The following LHFPL3 variants were observed in gnomAD, a reference collection of about 807,000 sequenced individuals.
The protein encoded by LHFPL3 is LHFPL tetraspan subfamily member 3 protein.
A neutral mutation model predicts 19.3 loss-of-function variants in LHFPL3; 5 were observed. The observed-to-expected ratio is 0.26, with a 90% confidence interval of 0.14 to 0.54. The LOEUF is 0.54. Ranked by LOEUF, LHFPL3 falls within the 20% of genes least tolerant of loss-of-function variation. The pLI, the probability that LHFPL3 is intolerant of heterozygous loss-of-function variation, is 0.94. For synonymous variants in LHFPL3, 133 were observed against 126.2 expected (o/e 1.05, Z -0.36); for missense variants, 249 against 307.4 (o/e 0.81, Z 1.42).
intron 1 of LHFPL3, among the ~76,000 whole-genome samples, chr7:104,553,862 G>A (rs1441360816): frequency 2.0e-5 from 3 of 152,284 alleles, no homozygotes; most frequent in Admixed American, 6.5e-5. Context: ...AATAACTAGT[G>A]TCTGGCTAGA....
chr7:104,498,117 C>T (rs1185249922), intron 1 of LHFPL3, among the ~76,000 whole-genome samples: 3 of 152,182 alleles, frequency 2.0e-5, no homozygotes, highest in African/African-American at 7.2e-5. Context: ...TAAACTCTTA[C>T]ATAAGTACAA....
chr7:104,543,393 A>G (rs1453370469), intron 1 of LHFPL3, among the ~76,000 whole-genome samples: 1 of 151,952 alleles, frequency 6.6e-6, no homozygotes, highest in East Asian at 1.9e-4. Flanking sequence ...ATACCATTTG[A>G]CCCAGCCATC....
chr7:104,496,176 G>A (rs539981195), intron 1 of LHFPL3, among the ~76,000 whole-genome samples: 42 of 152,068 alleles, frequency 2.8e-4, no homozygotes, highest in African/African-American at 8.0e-4. Context: ...GTGTCCATGC[G>A]TTCTCGTTGT....
intron 1 of LHFPL3, among the ~76,000 whole-genome samples, chr7:104,494,021 A>C (rs898792266): frequency 1.3e-5 from 2 of 152,208 alleles, no homozygotes; most frequent in Non-Finnish European, 2.9e-5. Context: ...TAATATATTA[A>C]AATTAATTTC....
intron 1 of LHFPL3, chr7:104,470,053 G>A: frequency 2.2e-6 from 1 of 456,000 alleles, no homozygotes; most frequent in South Asian, 1.5e-5. Context: ...ACTGCCTTGT[G>A]CTTCATTCTG....
At chr7:104,904,248 G>A (rs1226522696) in intron 2 of LHFPL3, among the ~76,000 whole-genome samples, 1 of 152,236 alleles carries the variant, frequency 6.6e-6, no homozygotes, top group Non-Finnish European at 1.5e-5. Flanking sequence ...TTTTAAGTGT[G>A]TTGAAAAACA....
chr7:104,628,478 A>T (rs890717698), intron 1 of LHFPL3, among the ~76,000 whole-genome samples: 8 of 152,180 alleles, frequency 5.3e-5, no homozygotes, highest in African/African-American at 1.9e-4. Flanking sequence ...TTATCTGATG[A>T]TGTACTAAGA....
intron 1 of LHFPL3, among the ~76,000 whole-genome samples, chr7:104,379,951 T>G (rs2116449250): frequency 6.6e-6 from 1 of 152,354 alleles, no homozygotes; most frequent in Non-Finnish European, 1.5e-5. Context: ...AGCAGAACAT[T>G]GAATTCTGCC....
chr7:104,529,148 G>T (rs1047870680), intron 1 of LHFPL3, among the ~76,000 whole-genome samples: 2 of 152,102 alleles, frequency 1.3e-5, no homozygotes, highest in Admixed American at 6.6e-5. Flanking sequence ...ATTCTGATGG[G>T]ATCAAATGCC....
intron 1 of LHFPL3, among the ~76,000 whole-genome samples, chr7:104,500,660 A>T (rs921894050): frequency 1.3e-5 from 2 of 152,120 alleles, no homozygotes; most frequent in Non-Finnish European, 2.9e-5. Flanking sequence ...CCTGCTTCAC[A>T]TCTTTTGCAC....
intron 1 of LHFPL3, among the ~76,000 whole-genome samples, chr7:104,626,186 G>A (rs1029641668): frequency 5.9e-5 from 9 of 152,150 alleles, no homozygotes; most frequent in African/African-American, 2.2e-4. Context: ...ATGAGTGCCT[G>A]CTTCCTTACA....
intron 1 of LHFPL3, among the ~76,000 whole-genome samples, chr7:104,350,762 G>A (rs919302732): frequency 2.0e-5 from 3 of 152,128 alleles, no homozygotes; most frequent in Non-Finnish European, 4.4e-5. Context: ...CTCTTTGGCC[G>A]AGCACAATGG....
intron 1 of LHFPL3, among the ~76,000 whole-genome samples, chr7:104,557,090 T>A (rs560460489): frequency 1.3e-5 from 2 of 152,318 alleles, no homozygotes; most frequent in Non-Finnish European, 2.9e-5. Context: ...TCTAGAGAGT[T>A]CCAAACTTTC....
At chr7:104,451,611 C>CT (rs869105043) in intron 1 of LHFPL3, among the ~76,000 whole-genome samples, 1 of 102,810 alleles carries the variant, frequency 9.7e-6, no homozygotes, top group Non-Finnish European at 2.4e-5. Flanking sequence ...TAAAAACATC[C>CT]TTTTTTCTTC....
chr7:104,406,274 T>C (rs534827682), intron 1 of LHFPL3, among the ~76,000 whole-genome samples: 2 of 152,270 alleles, frequency 1.3e-5, no homozygotes, highest in South Asian at 4.2e-4. Context: ...ACTGGGGACT[T>C]GAACCAGCAA....
intron 2 of LHFPL3, among the ~76,000 whole-genome samples, chr7:104,844,536 T>C (rs1010016767): frequency 1.1e-4 from 16 of 152,212 alleles, no homozygotes; most frequent in Non-Finnish European, 2.9e-5. Context: ...ACTTTTGTCT[T>C]TTTCCCTTGA....
At chr7:104,388,733 G>A (rs1790999620) in intron 1 of LHFPL3, among the ~76,000 whole-genome samples, 1 of 152,076 alleles carries the variant, frequency 6.6e-6, no homozygotes, top group Non-Finnish European at 1.5e-5. Flanking sequence ...CTTGACATCT[G>A]AAAGTCAATG....
chr7:104,447,723 T>C (rs541814705), intron 1 of LHFPL3, among the ~76,000 whole-genome samples: 3 of 152,194 alleles, frequency 2.0e-5, no homozygotes, highest in African/African-American at 7.2e-5. Context: ...AAGATTCCTA[T>C]CTTGGACATT....
At chr7:104,603,132 TTTTTC>T (rs1791016100) in intron 1 of LHFPL3, among the ~76,000 whole-genome samples, 1,676 of 132,398 alleles carry the variant, frequency 0.013, 23 homozygotes, top group African/African-American at 0.046. Context: ...CTTTCTTTCT[TTTTTC>T]CCTTCCTTCC....
Sources: gnomAD v4.1 joint callset for allele counts (sites outside exome capture counted in the v4.1 genomes callset) on GRCh38, gnomAD v4.1.1 for gene constraint, MANE v1.5 for transcripts, NCBI Gene and HGNC (gene_info 2026-07-23, HGNC 2026-07-21) for gene names.